The following DSTN variants were observed in gnomAD, a reference collection of about 807,000 sequenced individuals.
DSTN encodes the protein destrin, actin depolymerizing factor.
Under a neutral mutation model 16.8 loss-of-function variants are expected in DSTN, and 10 were observed. That is an observed-to-expected ratio of 0.60 (90% CI 0.37 to 1.01). DSTN has a LOEUF of 1.01. Among genes scored for constraint, DSTN ranks in the 50% least tolerant of loss-of-function variants. The pLI is 0.01. For synonymous variants in DSTN, 57 were observed against 58.9 expected, an observed-to-expected ratio of 0.97 and a Z score of 0.14; for missense variants, 141 against 196.7, an observed-to-expected ratio of 0.72 and a Z score of 1.69.
chr20:17,589,175 G>A (rs1407991574), intron 1 of DSTN, among the ~76,000 whole-genome samples: 1 of 150,838 alleles, frequency 6.6e-6, no homozygotes, highest in African/African-American at 2.4e-5. Flanking sequence ...TAGAGTTTTG[G>A]TAGGGAGATG....
intron 1 of DSTN, among the ~76,000 whole-genome samples, chr20:17,575,296 A>C (rs754813423): frequency 1.8e-4 from 28 of 152,160 alleles, no homozygotes; most frequent in Non-Finnish European, 3.8e-4. Context: ...TGAAATTTGA[A>C]AAAAAACTTG....
chr20:17,605,871 G>C (rs780896819), intron 3 of DSTN, among the ~76,000 whole-genome samples: 7 of 151,686 alleles, frequency 4.6e-5, no homozygotes, highest in Non-Finnish European at 1.0e-4. Flanking sequence ...GGGAGGCTAA[G>C]ACAGGTGGAT....
At chr20:17,593,853 A>G (rs2035496801) in intron 1 of DSTN, among the ~76,000 whole-genome samples, 1 of 152,140 alleles carries the variant, frequency 6.6e-6, no homozygotes, top group South Asian at 2.1e-4. Flanking sequence ...CCAAGGCAGG[A>G]CAATAGCTTG....
intron 1 of DSTN, among the ~76,000 whole-genome samples, chr20:17,597,026 A>T (rs2035533350): frequency 6.6e-6 from 1 of 152,210 alleles, no homozygotes; most frequent in South Asian, 2.1e-4. Flanking sequence ...TGACTTCAAC[A>T]TTATGGACTA....
chr20:17,578,090 G>A lies in DSTN; in HGVS notation c.3+7879G>A, dbSNP rs6131976. ...CTACTTAATTTGTAATGGGAAGTTG[G>A]TGTGTGTACCAACTAAATTCTCTGC... On this transcript the variant is annotated intron_variant, in intron 1 of 3. Coordinates refer to ENST00000246069, the MANE Select transcript of DSTN (RefSeq NM_006870.4). 6.2e-3 allele frequency among the ~76,000 whole-genome samples: 937 copies of A among 152,352 alleles called. 23 individuals carry two copies. The East Asian group carries it at 0.081, about 13-fold the overall frequency.
chr20:17,591,989 G>A (rs2035474727), intron 1 of DSTN: 2 of 985,478 alleles, frequency 2.0e-6, no homozygotes, highest in African/African-American at 1.7e-5. Flanking sequence ...GTATTGAGAG[G>A]AGATACACAG....
chr20:17,582,827 A>G (rs2035361450), intron 1 of DSTN, among the ~76,000 whole-genome samples: 2 of 152,242 alleles, frequency 1.3e-5, no homozygotes, highest in South Asian at 2.1e-4. Flanking sequence ...TTTCTAGGCA[A>G]TGACACCAAG....
chr20:17,595,600 C>T (rs1037029136), intron 1 of DSTN, among the ~76,000 whole-genome samples: 38 of 150,812 alleles, frequency 2.5e-4, no homozygotes, highest in Admixed American at 7.9e-4. Context: ...GCCTGGATGA[C>T]AAGAGCGAAC....
At chr20:17,582,495 G>C (rs1267042826) in intron 1 of DSTN, among the ~76,000 whole-genome samples, 1 of 152,172 alleles carries the variant, frequency 6.6e-6, no homozygotes, top group Non-Finnish European at 1.5e-5. Context: ...ACTATCTGGA[G>C]ACTGCCAATA....
At chr20:17,574,403 C>T (rs1212411351) in intron 1 of DSTN, among the ~76,000 whole-genome samples, 1 of 152,110 alleles carries the variant, frequency 6.6e-6, no homozygotes, top group Non-Finnish European at 1.5e-5. Flanking sequence ...AGAGTTCTTT[C>T]CTTCTTTGCC....
intron 1 of DSTN, among the ~76,000 whole-genome samples, chr20:17,583,206 G>A (rs1297482997): frequency 1.3e-5 from 2 of 152,214 alleles, no homozygotes; most frequent in Non-Finnish European, 2.9e-5. Context: ...ATGTTGGCCA[G>A]GCTATGAAGT....
At chr20:17,607,014 G>C in intron 3 of DSTN, 23 bp from the exon 4 acceptor site, 1 of 1,608,828 alleles carries the variant, frequency 6.2e-7, no homozygotes, top group Non-Finnish European at 8.5e-7. Context: ...ATTGTAAATA[G>C]AAGTGTTGTT....
intron 2 of DSTN, among the ~76,000 whole-genome samples, chr20:17,602,748 T>A (rs1383127398): frequency 6.6e-6 from 1 of 152,212 alleles, no homozygotes; most frequent in Admixed American, 6.5e-5. Flanking sequence ...CCCACTCTGC[T>A]GGGCGCAGTG....
intron 1 of DSTN, among the ~76,000 whole-genome samples, chr20:17,573,806 G>A (rs185070839): frequency 2.0e-5 from 3 of 151,486 alleles, no homozygotes; most frequent in Non-Finnish European, 2.9e-5. Context: ...GTTTTTACAC[G>A]CATGCTGCAT....
At chr20:17,579,928 A>G (rs1411631753) in intron 1 of DSTN, among the ~76,000 whole-genome samples, 6 of 152,170 alleles carry the variant, frequency 3.9e-5, no homozygotes, top group Admixed American at 3.3e-4. Flanking sequence ...ATTCTTTCTT[A>G]TATCTGTTAT....
chr20:17,606,960 TAA>T, intron 3 of DSTN, 75 bp from the exon 4 acceptor site: 1 of 1,452,344 alleles, frequency 6.9e-7, no homozygotes, highest in East Asian at 2.3e-5. Flanking sequence ...ACTGGTCTTT[TAA>T]AAGTTTGGTT....
At chr20:17,584,750 A>T (rs937790977) in intron 1 of DSTN, among the ~76,000 whole-genome samples, 4 of 152,150 alleles carry the variant, frequency 2.6e-5, no homozygotes, top group Non-Finnish European at 5.9e-5. Context: ...TAGAGATAAA[A>T]TTGTGGAACT....
intron 1 of DSTN, 61 bp from the exon 2 acceptor site, chr20:17,600,677 T>G (rs2035576802): frequency 1.4e-6 from 2 of 1,463,114 alleles, no homozygotes; most frequent in South Asian, 2.9e-5. Flanking sequence ...CAGAATTTAT[T>G]ATTTTATGTT....
intron 3 of DSTN, chr20:17,605,041 G>C: frequency 2.2e-6 from 1 of 456,784 alleles, no homozygotes; most frequent in Non-Finnish European, 4.4e-6. Flanking sequence ...AATGAGAAAG[G>C]ATGCTCTTTT....
Sources: allele counts gnomAD v4.1 joint callset (sites outside exome capture counted in the v4.1 genomes callset), GRCh38; gene constraint gnomAD v4.1.1; transcripts MANE v1.5; gene names NCBI Gene and HGNC (gene_info 2026-07-23, HGNC 2026-07-21).